STARD13: variants seen among roughly 807,000 people sequenced by gnomAD.
The protein encoded by STARD13 is StAR related lipid transfer domain containing 13, also known as stAR-related lipid transfer protein 13.
STARD13 carries 62 observed loss-of-function variants against 106.4 expected under a neutral mutation model. The observed-to-expected ratio is 0.58, with a 90% CI of 0.48 to 0.72. STARD13 has a LOEUF of 0.72. STARD13 is among the 30% of genes least tolerant of loss of function. STARD13 has a pLI of 0.00. For missense variants in STARD13, 1,387 were observed against 1,424.0 expected (o/e 0.97, Z 0.42); for synonymous variants, 565 against 553.0 (o/e 1.02, Z -0.31).
At chr13:33,319,757 C>T (rs1251123620) in intron 1 of STARD13, among the ~76,000 whole-genome samples, 1 of 152,152 alleles carries the variant, frequency 6.6e-6, no homozygotes. Context: ...CATAGATTAT[C>T]TCTAAGGCAC....
In STARD13 at chr13:33,130,826, T is replaced by C. The variant is rs1452186376; in HGVS notation, c.388-537A>G. 1.3e-5 allele frequency among the ~76,000 whole-genome samples: 2 copies of C among 152,224 alleles called. No homozygotes were observed. The highest frequency in any genetic ancestry group is 2.9e-5 in the Non-Finnish European group (2 of 68,038). ...CCTGCACTTGATTCTTATCGTGTAT[T>C]CCCTGGATAAGGTAACAGCAAAATG... On this transcript the variant is annotated intron_variant, in intron 4 of 13. Coordinates refer to ENST00000336934, the MANE Select transcript of STARD13 (RefSeq NM_178006.4). This position sits in a 1 kb window ranked among gnomAD's most constrained non-coding sequence, Gnocchi z 4.1.
At chr13:33,422,697 C>T in the STARD13 span, among the ~76,000 whole-genome samples, 4 of 152,320 alleles carry the variant, frequency 2.6e-5, no homozygotes, top group Non-Finnish European at 4.4e-5. Flanking sequence ...TCGAACTTTA[C>T]TACAAGGCTA....
chr13:33,239,067 A>G (rs947768051), intron 1 of STARD13, among the ~76,000 whole-genome samples: 8 of 150,770 alleles, frequency 5.3e-5, no homozygotes, highest in African/African-American at 2.0e-4. Flanking sequence ...TCATCATTCT[A>G]CTTTCTGTGA....
chr13:33,213,436 G>A (rs2764624), intron 1 of STARD13, among the ~76,000 whole-genome samples: 79,802 of 152,012 alleles, frequency 0.52, 21,415 homozygotes, highest in Middle Eastern at 0.63. Flanking sequence ...AGGCTCAGAA[G>A]GACATAAGGG....
At chr13:33,432,970 T>A in the STARD13 span, among the ~76,000 whole-genome samples, 1 of 152,216 alleles carries the variant, frequency 6.6e-6, no homozygotes. Context: ...AGAGACCCAT[T>A]TTTTAAACCT....
At position 33,106,810 on chromosome 13, in the gene STARD13, G is replaced by A. The variant is rs923284336; in HGVS notation, c.3172C>T (p.Pro1058Ser). The A allele has an allele frequency of 3.1e-5, 50 of 1,613,952 alleles. No individual in the cohort carries two copies. Among genetic ancestry groups the A allele is most frequent in the Non-Finnish European group, 4.2e-5 (49 of 1,179,982 alleles). Residue 1058 changes from proline (P) to serine (S), a missense_variant, in exon 13 of 14, where the codon CCG becomes TCG. Transcript: ENST00000336934. ...AGTCTTGACTTGCCAGAGCCACACG[G>A]TTCTATCAAGTACTGCGAGTCCATC... is the stretch of plus-strand genomic sequence containing the variant. Reference protein sequence around the residue: ...VVMDSQYLIEPCGSGKSRLTH... With the variant: ...VVMDSQYLIESCGSGKSRLTH...
chr13:33,650,743 G>T, the STARD13 span, among the ~76,000 whole-genome samples: 4 of 152,186 alleles, frequency 2.6e-5, no homozygotes, highest in Non-Finnish European at 4.4e-5. Context: ...TTAATAAGTG[G>T]GCCAATTGGG....
At chr13:33,415,261 A>G in the STARD13 span, among the ~76,000 whole-genome samples, 3 of 152,152 alleles carry the variant, frequency 2.0e-5, no homozygotes, top group Non-Finnish European at 1.5e-5. Context: ...CCGGCTACTC[A>G]GGTGGCTGAG....
chr13:33,377,802 T>G, the STARD13 span, among the ~76,000 whole-genome samples: 2 of 152,174 alleles, frequency 1.3e-5, no homozygotes, highest in South Asian at 4.1e-4. Flanking sequence ...CCTTTTTTGT[T>G]TTTCCCTTGT....
At chr13:33,535,816 A>G in the STARD13 span, among the ~76,000 whole-genome samples, 1 of 152,218 alleles carries the variant, frequency 6.6e-6, no homozygotes, top group East Asian at 1.9e-4. Flanking sequence ...CTTTACAATA[A>G]TCCCATTCAG....
chr13:33,425,565 C>A, the STARD13 span, among the ~76,000 whole-genome samples: 1 of 152,166 alleles, frequency 6.6e-6, no homozygotes, highest in Admixed American at 6.5e-5. Flanking sequence ...AACTTAGTGG[C>A]CAGTTGTCAT....
chr13:33,424,327 G>A, the STARD13 span, among the ~76,000 whole-genome samples: 1 of 152,124 alleles, frequency 6.6e-6, no homozygotes, highest in African/African-American at 2.4e-5. Flanking sequence ...TTTTTACAGA[G>A]GTGGAATTTG....
At chr13:33,378,797 CAAAAAAAAA>C in the STARD13 span, among the ~76,000 whole-genome samples, 2 of 104,670 alleles carry the variant, frequency 1.9e-5, no homozygotes, top group Admixed American at 2.0e-4. Flanking sequence ...CTCAAAAAAA[CAAAAAAAAA>C]AAAAAGAAAA....
At chr13:33,475,784 C>T in the STARD13 span, among the ~76,000 whole-genome samples, 58 of 151,996 alleles carry the variant, frequency 3.8e-4, no homozygotes, top group African/African-American at 1.2e-3. Flanking sequence ...GGTGAAACCC[C>T]GTTTCTACTA....
At chr13:33,605,039 G>A in the STARD13 span, among the ~76,000 whole-genome samples, 1 of 151,756 alleles carries the variant, frequency 6.6e-6, no homozygotes, top group Non-Finnish European at 1.5e-5. Flanking sequence ...AGGATTTTGA[G>A]ACAAGCCTGG....
chr13:33,165,038 A>G (rs1184882792), intron 3 of STARD13, among the ~76,000 whole-genome samples: 1 of 151,594 alleles, frequency 6.6e-6, no homozygotes, highest in African/African-American at 2.4e-5. Flanking sequence ...TAGCATTTAT[A>G]CTCTCTGAAA....
the STARD13 span, among the ~76,000 whole-genome samples, chr13:33,539,499 A>T: frequency 5.9e-5 from 9 of 152,250 alleles, no homozygotes; most frequent in African/African-American, 2.2e-4. Flanking sequence ...AGACGTATAA[A>T]GCTACAGTAA....
the STARD13 span, among the ~76,000 whole-genome samples, chr13:33,559,957 GTGCTAGCACCT>G: frequency 6.6e-6 from 1 of 151,600 alleles, no homozygotes; most frequent in Non-Finnish European, 1.5e-5. Flanking sequence ...AGAACTAAAT[GTGCTAGCACCT>G]TGATCTTGGA....
In STARD13 at chr13:33,215,162, G is replaced by C. The variant is rs549378255; in HGVS notation, c.170-47540C>G. Among the ~76,000 whole-genome samples, 3 of 150,916 alleles carry C rather than the reference G, an allele frequency of 2.0e-5. No homozygotes were observed. In the East Asian group the frequency reaches 5.9e-4, roughly 30 times the overall value. Reference sequence around the variant, plus strand: ...GAAATAAGCACCTCTCACTGAGCCTGCTAGTCTCTGACTGGTGGGATCTTG... The same window carrying C: ...GAAATAAGCACCTCTCACTGAGCCTCCTAGTCTCTGACTGGTGGGATCTTG... On this transcript the variant is annotated intron_variant, in intron 1 of 13. Coordinates refer to ENST00000336934, the MANE Select transcript of STARD13 (RefSeq NM_178006.4).
Sources: allele counts gnomAD v4.1 joint callset (sites outside exome capture counted in the v4.1 genomes callset), GRCh38; gene constraint gnomAD v4.1.1; non-coding constraint Gnocchi (gnomAD v3.1); transcripts MANE v1.5; gene names NCBI Gene and HGNC (gene_info 2026-07-23, HGNC 2026-07-21).